Variants in TASL observed in about 807,000 individuals in gnomAD.
TASL encodes TLR adaptor interacting with endolysosomal SLC15A4.
TASL carries 6 observed loss-of-function variants against 12.9 expected under a neutral mutation model. The observed-to-expected ratio is 0.46, with a 90% CI of 0.25 to 0.92. The LOEUF is 0.92. TASL is among the 40% of genes least tolerant of loss of function. The pLI is 0.17. For synonymous variants in TASL, 85 were observed against 79.3 expected (o/e 1.07, Z -0.38); for missense variants, 165 against 212.8 (o/e 0.78, Z 1.40).
At chrX:30,573,593 T>C (rs1162301198) in intron 2 of TASL, among the ~76,000 whole-genome samples, 1 of 112,175 alleles carries the variant, frequency 8.9e-6, no homozygotes, top group Admixed American at 9.5e-5. Context: ...TCGCCTCATC[T>C]TTAATTTTGC....
chrX:30,568,257 A>G (rs1003328135), intron 2 of TASL, among the ~76,000 whole-genome samples: 1 of 105,934 alleles, frequency 9.4e-6, no homozygotes, highest in African/African-American at 3.4e-5. Context: ...AATAAATAGT[A>G]ACTAAGGGGG....
At chrX:30,571,638 G>A (rs1053228652) in intron 2 of TASL, among the ~76,000 whole-genome samples, 11 of 33,919 alleles carry the variant, frequency 3.2e-4, no homozygotes, top group Non-Finnish European at 5.8e-4. Flanking sequence ...AAAAAAAAGG[G>A]GGGGGGGGCA....
At position 30,561,363 on chromosome X, in the gene TASL, C is replaced by T. The variant is rs7473736; in HGVS notation, c.-1-1007G>A. Among the ~76,000 whole-genome samples the T allele has an allele frequency of 9.0e-3, 999 of 111,401 alleles. 29 individuals are homozygous for T. Among genetic ancestry groups the T allele is most frequent in the Admixed American group, 0.084 (872 of 10,435 alleles). ...ATCTGCCTCCCCTCCCTACCCCCAGCAATTGTCACTGGTCTAGAGTGGCTA... is the reference window on the plus strand; with the variant it reads ...ATCTGCCTCCCCTCCCTACCCCCAGTAATTGTCACTGGTCTAGAGTGGCTA... On this transcript the variant is annotated intron_variant, in intron 2 of 2. Coordinates refer to ENST00000378962, the MANE Select transcript of TASL (RefSeq NM_025159.3).
chrX:30,566,592 T>C (rs1930501317), intron 2 of TASL, among the ~76,000 whole-genome samples: 1 of 112,306 alleles, frequency 8.9e-6, no homozygotes, highest in African/African-American at 3.2e-5. Flanking sequence ...ATTAGAACAC[T>C]TATTTGAGAC....
intron 2 of TASL, among the ~76,000 whole-genome samples, chrX:30,567,724 C>G (rs896285072): frequency 9.0e-6 from 1 of 110,725 alleles, no homozygotes; most frequent in Non-Finnish European, 1.9e-5. Flanking sequence ...ATGCCCCAAA[C>G]TGAAAAATCC....
At chrX:30,571,266 G>GAA (rs372591772) in intron 2 of TASL, among the ~76,000 whole-genome samples, 4 of 35,961 alleles carry the variant, frequency 1.1e-4, no homozygotes, top group Non-Finnish European at 2.5e-4. Context: ...GAGAAAGAAA[G>GAA]AAAGAAAGAA....
chrX:30,571,304 AAGAAAGAAAG>A (rs1930616729), intron 2 of TASL, among the ~76,000 whole-genome samples: 1 of 101,438 alleles, frequency 9.9e-6, no homozygotes, highest in Non-Finnish European at 2.0e-5. Flanking sequence ...GAAAGAAAGA[AAGAAAGAAAG>A]AAAGAAAGAA....
At chrX:30,562,464 T>C (rs1930441048) in intron 2 of TASL, among the ~76,000 whole-genome samples, 1 of 111,619 alleles carries the variant, frequency 9.0e-6, no homozygotes, top group Admixed American at 9.5e-5. Flanking sequence ...ATCAGCATGC[T>C]GCTGAGAGCC....
chrX:30,574,521 A>G lies in TASL; in HGVS notation c.-2+2231T>C, dbSNP rs1226402532. On this transcript the variant is annotated intron_variant, in intron 2 of 2. Coordinates refer to ENST00000378962, the MANE Select transcript of TASL (RefSeq NM_025159.3). Reference sequence around the variant, plus strand: ...TGAAGAACATTTTGGAGGTGTGCAAACTAAGACACCCAAAGAGGCTGGATT... The same window carrying G: ...TGAAGAACATTTTGGAGGTGTGCAAGCTAAGACACCCAAAGAGGCTGGATT... 2.7e-5 allele frequency among the ~76,000 whole-genome samples: 3 copies of G among 111,302 alleles called. No individual in the cohort carries two copies. The Admixed American group carries it at 2.9e-4, about 11-fold the overall frequency.
Position 30,560,212 on chromosome X carries a change from T to G in TASL, c.144A>C (p.Glu48Asp). 1 of 1,211,462 alleles carries G rather than the reference T, an allele frequency of 8.3e-7. No homozygotes were observed. The highest frequency in any genetic ancestry group is 1.1e-6 in the Non-Finnish European group (1 of 895,381). The change falls in exon 3 of 3, where the codon GAA becomes GAC. Residue 48 changes from glutamate (E) to aspartate (D), a missense_variant. Transcript: ENST00000378962. Reference sequence around the variant, plus strand: ...TCACGTAGAGACTTCTGACTTGTGTTTCATCCACAGAGGAATAGGAAAGGG... The same window carrying G: ...TCACGTAGAGACTTCTGACTTGTGTGTCATCCACAGAGGAATAGGAAAGGG... ...VATLSYSSVD[E>D]TQVRSLYVSC...
intron 2 of TASL, among the ~76,000 whole-genome samples, chrX:30,561,588 G>T (rs749742553): frequency 7.2e-5 from 8 of 111,581 alleles, no homozygotes; most frequent in African/African-American, 2.0e-4. Context: ...ATACATAAAG[G>T]TCCTTTTAAA....
chrX:30,571,284 AAGAAAGAAAG>A lies in TASL; in HGVS notation c.-2+5458_-2+5467del, dbSNP rs1485450805. ...AAAGAAAGAAAGAAAGAAAGAAAGAAAGAAAGAAAGAAAGAAAGAAAGAAAGAAAGAAAGA... is the reference window on the plus strand; with the variant it reads ...AAAGAAAGAAAGAAAGAAAGAAAGAAAAAGAAAGAAAGAAAGAAAGAAAGA... On this transcript the variant is annotated intron_variant, in intron 2 of 2. Coordinates refer to ENST00000378962, the MANE Select transcript of TASL (RefSeq NM_025159.3). Among the ~76,000 whole-genome samples, 5 of 85,552 alleles carry A rather than the reference AAGAAAGAAAG, an allele frequency of 5.8e-5. 1 individual carries two copies. The highest frequency in any genetic ancestry group is 2.5e-4 in the African/African-American group (5 of 19,904). The allele number at this position is 85,552 out of a possible 115,157, so 74.3% of individuals were successfully genotyped here.
intron 2 of TASL, among the ~76,000 whole-genome samples, chrX:30,560,662 G>T (rs1326583280): frequency 2.1e-5 from 2 of 94,299 alleles, no homozygotes; most frequent in African/African-American, 7.8e-5. Flanking sequence ...AAGTACAGGG[G>T]TGGGGGGGTC....
chrX:30,572,903 G>T (rs1188948544), intron 2 of TASL, among the ~76,000 whole-genome samples: 1 of 111,607 alleles, frequency 9.0e-6, no homozygotes, highest in Non-Finnish European at 1.9e-5. Flanking sequence ...GGGCCAATTT[G>T]GTCCTGGGCT....
chrX:30,571,271 A>AAAG (rs1930605523), intron 2 of TASL, among the ~76,000 whole-genome samples: 1 of 44,113 alleles, frequency 2.3e-5, no homozygotes, highest in Non-Finnish European at 5.2e-5. Flanking sequence ...AGAAAGAAAG[A>AAAG]AAGAAAGAAA....
rs1288684851 is a variant in TASL, at chrX:30,567,385, A to G, written c.-1-7029T>C. The stretch of plus-strand genomic sequence containing the variant: ...AGTTATAAATAGCTTTTATATAGTC[A>G]TGATAATATAGCACATGATAATATA... On this transcript the variant is annotated intron_variant, in intron 2 of 2. Coordinates refer to ENST00000378962, the MANE Select transcript of TASL (RefSeq NM_025159.3). Among the ~76,000 whole-genome samples, 12 of 112,144 alleles carry G rather than the reference A, an allele frequency of 1.1e-4. No individual in the cohort carries two copies. In the Admixed American group the frequency reaches 1.1e-3, roughly 11 times the overall value.
intron 1 of TASL, among the ~76,000 whole-genome samples, 180 bp downstream of exon 1, chrX:30,577,458 C>T (rs949252728): frequency 8.9e-6 from 1 of 111,862 alleles, no homozygotes; most frequent in Non-Finnish European, 1.9e-5. Context: ...CTTTATTTTT[C>T]AACTCCACTG....
At chrX:30,561,860 T>A (rs867041992) in intron 2 of TASL, among the ~76,000 whole-genome samples, 1 of 96,590 alleles carries the variant, frequency 1.0e-5, no homozygotes, top group East Asian at 3.3e-4. Flanking sequence ...TTATAAGGAT[T>A]AAAAAAAAAA....
intron 2 of TASL, among the ~76,000 whole-genome samples, chrX:30,565,919 C>T (rs952560472): frequency 1.8e-5 from 2 of 109,151 alleles, no homozygotes; most frequent in African/African-American, 6.7e-5. Flanking sequence ...CACAGGTGCA[C>T]GCCACCACTC....
Sources: gnomAD v4.1 joint callset for allele counts (sites outside exome capture counted in the v4.1 genomes callset) on GRCh38, gnomAD v4.1.1 for gene constraint, MANE v1.5 for transcripts, NCBI Gene and HGNC (gene_info 2026-07-23, HGNC 2026-07-21) for gene names.